The following CCNF variants were observed in gnomAD, a reference collection of about 807,000 sequenced individuals.
CCNF encodes the protein cyclin-F.
A neutral mutation model predicts 85.4 loss-of-function variants in CCNF; 30 were observed. The ratio of observed to expected loss-of-function variants is 0.35; its 90% confidence interval spans 0.26 to 0.48. The LOEUF (loss-of-function observed/expected upper bound fraction) is 0.48, where lower values mean the gene tolerates loss of function less well. Among genes scored for constraint, CCNF ranks in the 20% least tolerant of loss-of-function variants. The pLI, the probability that CCNF is intolerant of heterozygous loss-of-function variation, is 0.99. For missense variants in CCNF, 919 were observed against 1,010.4 expected (o/e 0.91, Z 1.23); for synonymous variants, 439 against 425.1 (o/e 1.03, Z -0.40).
In CCNF at chr16:2,456,470, G is replaced by A; in HGVS notation, c.1886-75G>A. On this transcript the variant is annotated intron_variant, in intron 16 of 16. Coordinates refer to ENST00000397066, the MANE Select transcript of CCNF (RefSeq NM_001761.3). This position sits in a 1 kb window ranked among gnomAD's most constrained non-coding sequence, Gnocchi z 4.5. ...AGAAGATTCTTGACCTGGACTTCAG[G>A]GTCCTGACCTGGCAGGGGGTCTCCC... The A allele has an allele frequency of 9.7e-7, 1 of 1,035,808 alleles. No homozygotes were observed. Among genetic ancestry groups the A allele is most frequent in the Non-Finnish European group, 1.4e-6 (1 of 732,884 alleles). 64.2% of individuals were successfully genotyped at this position (1,035,808 alleles called of 1,614,324 possible).
At chr16:2,448,169 A>T (rs1483947485) in intron 10 of CCNF, among the ~76,000 whole-genome samples, 1 of 152,172 alleles carries the variant, frequency 6.6e-6, no homozygotes, top group African/African-American at 2.4e-5. Context: ...CTTTGCCTCC[A>T]ATTCCTAGAT....
At chr16:2,439,573 C>G (rs2065310307) in intron 7 of CCNF, 116 bp downstream of exon 7, 2 of 915,268 alleles carry the variant, frequency 2.2e-6, no homozygotes, top group South Asian at 3.0e-5. Context: ...TGCTCCCGGT[C>G]TCTCAGCCTC....
rs572984628 is a variant in CCNF at position 2,454,431 on chromosome 16, G to A, written c.1715+894G>A. On this transcript the variant is annotated intron_variant, in intron 15 of 16. Coordinates refer to ENST00000397066, the MANE Select transcript of CCNF (RefSeq NM_001761.3). ...AGATACGCACGGCTACTCCAGGAGGGGGCCTGGCCCTGGCCCTGTGCTCAG... is the reference window on the plus strand; with the variant it reads ...AGATACGCACGGCTACTCCAGGAGGAGGCCTGGCCCTGGCCCTGTGCTCAG... Among the ~76,000 whole-genome samples, 4 of 152,314 alleles carry A rather than the reference G, an allele frequency of 2.6e-5. No individual in the cohort carries two copies. In the South Asian group the frequency reaches 8.3e-4, roughly 32 times the overall value.
In CCNF at chr16:2,443,009, AATTAT is replaced by A. The variant is rs1375658417; in HGVS notation, c.778-632_778-628del. 6.1e-3 allele frequency among the ~76,000 whole-genome samples: 700 copies of A among 114,096 alleles called. 14 individuals carry two copies. Among genetic ancestry groups the A allele is most frequent in the African/African-American group, 0.022 (639 of 29,126 alleles). The allele number at this position is 114,096 out of a possible 152,430, so 74.9% of individuals were successfully genotyped here. A position where few individuals can be genotyped will look rare whatever the true frequency, so the allele number is the denominator to read the frequency against. On this transcript the variant is annotated intron_variant, in intron 8 of 16. Transcript: ENST00000397066. The stretch of plus-strand genomic sequence containing the variant: ...TATTTATGTTAATTATATATTATAT[AATTAT>A]ATTATATGTTCTATAATATATAATA...
Position 2,435,863 on chromosome 16 carries a change from C to T in CCNF, c.336C>T (p.Tyr112=), listed in dbSNP as rs765422854. The change falls in exon 4 of 17, where the codon TAC becomes TAT. Residue 112 remains tyrosine (Y), a synonymous_variant. Coordinates refer to ENST00000397066, the MANE Select transcript of CCNF (RefSeq NM_001761.3). ...AAVKLGIAYL[Y]NEGLSVSDEA... is the part of the protein sequence containing the mutation. Reference sequence around the variant, plus strand: ...TGAAGCTGGGCATAGCCTACCTCTACAATGAAGGCCGTAAGTCCTCACCCC... The same window carrying T: ...TGAAGCTGGGCATAGCCTACCTCTATAATGAAGGCCGTAAGTCCTCACCCC... The T allele has an allele frequency of 6.2e-7, 1 of 1,612,870 alleles. No homozygotes were observed.
rs778360498 is a variant in CCNF at position 2,438,077 on chromosome 16, A to G, written c.548A>G (p.Lys183Arg). ...RAECQLQRTHKASILHCLGRV... is the reference protein window; with the variant it reads ...RAECQLQRTHRASILHCLGRV... ...TTTCTCCTTTTTTTAAAGACTCACA[A>G]AGCATCCATATTGCACTGCTTGGGC... The change falls in exon 6 of 17, where the codon AAA (lysine) becomes AGA (arginine). Residue 183 changes from lysine to arginine, a missense_variant. Physicochemically the swap from Lys to Arg is conservative, Grantham distance 26. Coordinates refer to ENST00000397066, the MANE Select transcript of CCNF (RefSeq NM_001761.3). 14 of 1,610,978 alleles carry G rather than the reference A, an allele frequency of 8.7e-6. No homozygotes were observed. The highest frequency in any genetic ancestry group is 1.2e-5 in the Non-Finnish European group (14 of 1,177,272).
At position 2,456,803 on chromosome 16, in the gene CCNF, A is replaced by T; in HGVS notation, c.2144A>T (p.Asp715Val). The change falls in exon 17 of 17, where the codon GAC (aspartate) becomes GTC (valine). Residue 715 changes from aspartate (D) to valine (V), a missense_variant. Transcript: ENST00000397066. This position sits in a 1 kb window ranked among gnomAD's most constrained non-coding sequence, Gnocchi z 4.5. Reference sequence around the variant, plus strand: ...ACCGCAAGTCCCACAAGCTCCGTGGACGGTGGCTTGGGGGCCCTGCCCCAA... The same window carrying T: ...ACCGCAAGTCCCACAAGCTCCGTGGTCGGTGGCTTGGGGGCCCTGCCCCAA... Reference protein sequence around the residue: ...VSTASPTSSVDGGLGALPQPT... With the variant: ...VSTASPTSSVVGGLGALPQPT... 1 of 1,613,896 alleles carries T rather than the reference A, an allele frequency of 6.2e-7. No individual in the cohort carries two copies. Among genetic ancestry groups the T allele is most frequent in the Non-Finnish European group, 8.5e-7 (1 of 1,179,952 alleles).
chr16:2,444,602 CTT>C (rs879408225), intron 9 of CCNF, among the ~76,000 whole-genome samples: 1 of 134,424 alleles, frequency 7.4e-6, no homozygotes, highest in African/African-American at 2.8e-5. Context: ...GCCCAGCCAC[CTT>C]TTTTTTTTTT....
intron 8 of CCNF, 123 bp from the exon 9 acceptor site, chr16:2,443,526 G>C: frequency 1.2e-6 from 1 of 848,808 alleles, no homozygotes; most frequent in Non-Finnish European, 1.8e-6. Context: ...AGCTTGTGAA[G>C]GTTTAAGTTA....
chr16:2,448,704 G>T, intron 10 of CCNF, 151 bp from the exon 11 acceptor site: 1 of 700,712 alleles, frequency 1.4e-6, no homozygotes. Flanking sequence ...GCCACAGGCA[G>T]CTGGCTCCAT....
chr16:2,436,387 C>T (rs977277562), intron 4 of CCNF: 1 of 152,932 alleles, frequency 6.5e-6, no homozygotes, highest in Non-Finnish European at 1.5e-5. Flanking sequence ...GCAGCCTTTT[C>T]TTCTACCAGT....
Position 2,445,726 on chromosome 16 carries a change from G to GTTTTT in CCNF, c.1094+106_1094+107insTTTTT, listed in dbSNP as rs141290345. 621 of 834,492 alleles carry GTTTTT rather than the reference G, an allele frequency of 7.4e-4. 18 individuals are homozygous for GTTTTT. The highest frequency in any genetic ancestry group is 1.1e-3 in the Middle Eastern group (3 of 2,696). The allele number at this position is 834,492 out of a possible 1,614,324, so 51.7% of individuals were successfully genotyped here. On this transcript the variant is annotated intron_variant, in intron 10 of 16. Transcript: ENST00000397066. ...CCTCACTGGTTTGGTTTTGTTTTGTGTTGTTTTTTTTTTTTTCCCGAGACC... is the reference window on the plus strand; with the variant it reads ...CCTCACTGGTTTGGTTTTGTTTTGTGTTTTTTTGTTTTTTTTTTTTTCCCGAGACC...
rs558706081 is a variant in CCNF, at chr16:2,453,806, C to A, written c.1715+269C>A. Among the ~76,000 whole-genome samples the A allele has an allele frequency of 6.6e-6, 1 of 152,194 alleles. No individual in the cohort carries two copies. Among genetic ancestry groups the A allele is most frequent in the Non-Finnish European group, 1.5e-5 (1 of 68,018 alleles). ...GTGGAGGAAGATGGTTTCGAGCACG[C>A]GGGAGCCTAGCCTGGCTCTAGCCCT... On this transcript the variant is annotated intron_variant, in intron 15 of 16. Transcript: ENST00000397066. The surrounding 1 kb of genome is among the most constrained non-coding windows in gnomAD (Gnocchi z 5.6).
rs8060813 is a variant in CCNF at position 2,449,010 on chromosome 16, T to C, written c.1218+32T>C. The C allele has an allele frequency of 0.7, 1,119,875 of 1,602,398 alleles. 394,580 individuals carry two copies. The highest frequency in any genetic ancestry group is 0.92 in the African/African-American group (68,768 of 74,706). On this transcript the variant is annotated intron_variant, in intron 11 of 16. Coordinates refer to ENST00000397066, the MANE Select transcript of CCNF (RefSeq NM_001761.3). ...AGCGGTTCCATTTTCCTTATTAATCTTCGTTGTCGCTGTGCTGGAGGGTGG... is the reference window on the plus strand; with the variant it reads ...AGCGGTTCCATTTTCCTTATTAATCCTCGTTGTCGCTGTGCTGGAGGGTGG...
intron 1 of CCNF, chr16:2,430,859 C>T: frequency 1.8e-6 from 1 of 557,438 alleles, no homozygotes; most frequent in Non-Finnish European, 3.3e-6. Flanking sequence ...AGAAAGTTTC[C>T]CAATAGCCAA....
In CCNF at chr16:2,453,550, G is replaced by A. The variant is rs775869425; in HGVS notation, c.1715+13G>A. 6.2e-7 allele frequency: 1 copy of A among 1,613,800 alleles called. No homozygotes were observed. The highest frequency in any genetic ancestry group is 2.2e-5 in the East Asian group (1 of 44,880). On this transcript the variant is annotated intron_variant, in intron 15 of 16. Coordinates refer to ENST00000397066, the MANE Select transcript of CCNF (RefSeq NM_001761.3). The surrounding 1 kb of genome is among the most constrained non-coding windows in gnomAD (Gnocchi z 5.6). ...GGAGAACCAAACGGTTAGTTACCCTGCGTTCTGGCTGCGCCATACAATGCT... is the reference window on the plus strand; with the variant it reads ...GGAGAACCAAACGGTTAGTTACCCTACGTTCTGGCTGCGCCATACAATGCT...
chr16:2,444,566 C>T (rs2141823813), intron 9 of CCNF, among the ~76,000 whole-genome samples: 1 of 151,082 alleles, frequency 6.6e-6, no homozygotes, highest in Middle Eastern at 3.5e-3. Flanking sequence ...TCCCAAAGTG[C>T]TGGGATTACA....
intron 3 of CCNF, among the ~76,000 whole-genome samples, chr16:2,433,777 G>A (rs902157764): frequency 1.3e-5 from 2 of 152,036 alleles, no homozygotes; most frequent in African/African-American, 4.8e-5. Context: ...GTAGAGATGG[G>A]GTTTCGCCAT....
At chr16:2,443,097 AT>A (rs1399867194) in intron 8 of CCNF, among the ~76,000 whole-genome samples, 4 of 43,500 alleles carry the variant, frequency 9.2e-5, no homozygotes, top group African/African-American at 8.0e-4. Context: ...TATAATAGAT[AT>A]TTTTATATAT....
Sources: allele counts gnomAD v4.1 joint callset (sites outside exome capture counted in the v4.1 genomes callset), GRCh38; gene constraint gnomAD v4.1.1; non-coding constraint Gnocchi (gnomAD v3.1); transcripts MANE v1.5; gene names NCBI Gene and HGNC (gene_info 2026-07-23, HGNC 2026-07-21).